Variants in VPS13D observed in about 807,000 individuals in gnomAD.
VPS13D encodes the protein intermembrane lipid transfer protein VPS13D.
Under a neutral mutation model 461.9 loss-of-function variants are expected in VPS13D, and 187 were observed. The observed-to-expected ratio is 0.40, with a 90% CI of 0.36 to 0.46. The LOEUF (loss-of-function observed/expected upper bound fraction) is 0.46, where lower values mean the gene tolerates loss of function less well. Among genes scored for constraint, VPS13D ranks in the 20% least tolerant of loss-of-function variants. The pLI, the probability that VPS13D is intolerant of heterozygous loss-of-function variation, is 0.60. For missense variants in VPS13D, 4,711 were observed against 5,364.9 expected (o/e 0.88, Z 3.81); for synonymous variants, 1,951 against 1,986.3 (o/e 0.98, Z 0.47).
chr1:12,371,565 G>A (rs1006743933), intron 54 of VPS13D, among the ~76,000 whole-genome samples: 1 of 151,650 alleles, frequency 6.6e-6, no homozygotes, highest in Non-Finnish European at 1.5e-5. Context: ...TGATTTTTTT[G>A]TATTTTTAGT....
chr1:12,334,145 A>T (rs1244924159), intron 38 of VPS13D, among the ~76,000 whole-genome samples: 2 of 152,218 alleles, frequency 1.3e-5, no homozygotes, highest in African/African-American at 2.4e-5. Context: ...CGCATGTCAG[A>T]GTTGGATGGA....
At chr1:12,475,305 A>C (rs981357032) in intron 67 of VPS13D, among the ~76,000 whole-genome samples, 2 of 152,102 alleles carry the variant, frequency 1.3e-5, no homozygotes, top group African/African-American at 4.8e-5. Context: ...ATTCTCCCCC[A>C]TACAAAGGGG....
chr1:12,463,611 G>A (rs1645440772), intron 67 of VPS13D, among the ~76,000 whole-genome samples: 1 of 152,002 alleles, frequency 6.6e-6, no homozygotes, highest in Admixed American at 6.5e-5. Context: ...ACCTGGATAT[G>A]GTGGCGGGTG....
intron 57 of VPS13D, 101 bp from the exon 58 acceptor site, chr1:12,382,875 A>T (rs2101649925): frequency 1.8e-6 from 2 of 1,092,850 alleles, no homozygotes; most frequent in East Asian, 4.8e-5. Context: ...GACCCTCCAG[A>T]GGAGAATGTA....
intron 65 of VPS13D, among the ~76,000 whole-genome samples, chr1:12,428,534 C>G (rs1644953971): frequency 6.6e-6 from 1 of 152,138 alleles, no homozygotes; most frequent in South Asian, 2.1e-4. Flanking sequence ...CGCCATTTGT[C>G]CAGTCATGCT....
chr1:12,322,186 C>G (rs565137638), intron 33 of VPS13D, among the ~76,000 whole-genome samples: 1 of 152,208 alleles, frequency 6.6e-6, no homozygotes, highest in African/African-American at 2.4e-5. Context: ...CTGCCTCAGC[C>G]TCCTGAGTAG....
At position 12,349,255 on chromosome 1, in the gene VPS13D, A is replaced by G. The variant is rs1354811058; in HGVS notation, c.9312A>G (p.Gly3104=). The G allele has an allele frequency of 1.2e-6, 2 of 1,613,814 alleles. No individual in the cohort carries two copies. ...GGCGGCTACAGGCCCGGCCCAAAGG[A>G]TTGGGTGTATTTTTCTGTAAGGCTC... The part of the protein sequence containing the change: ...TSWRLQARPK[G]LGVFFCKAPI... The change falls in exon 46 of 70, where the codon GGA becomes GGG. Residue 3104 remains glycine (G), a synonymous_variant. Transcript: ENST00000620676.
At chr1:12,301,328 A>G (rs1642419688) in intron 25 of VPS13D, among the ~76,000 whole-genome samples, 1 of 152,206 alleles carries the variant, frequency 6.6e-6, no homozygotes, top group South Asian at 2.1e-4. Flanking sequence ...TCACAAGTAC[A>G]GGTCTCCTGT....
intron 67 of VPS13D, among the ~76,000 whole-genome samples, chr1:12,460,908 CA>C (rs1240307193): frequency 6.6e-6 from 1 of 152,072 alleles, no homozygotes; most frequent in Non-Finnish European, 1.5e-5. Flanking sequence ...TTGAAAGTAT[CA>C]GCCCCAACCC....
chr1:12,283,451 C>T lies in VPS13D; in HGVS notation c.5349C>T (p.Ser1783=). The T allele has an allele frequency of 6.2e-7, 1 of 1,614,198 alleles. No individual in the cohort carries two copies. Among genetic ancestry groups the T allele is most frequent in the Non-Finnish European group, 8.5e-7 (1 of 1,180,030 alleles). ...TTGGAAAGAGTAAATTTGATGATTC[C>T]TTAGTCCACATCAACATATTCTTGG... ...ILVGKSKFDD[S]LVHINIFLVD... The change falls in exon 21 of 70, where the codon TCC becomes TCT. Residue 1783 remains serine (S), a synonymous_variant. Coordinates refer to ENST00000620676, the MANE Select transcript of VPS13D (RefSeq NM_015378.4).
At chr1:12,256,164 A>T in intron 7 of VPS13D, 169 bp from the exon 8 acceptor site, 1 of 681,618 alleles carries the variant, frequency 1.5e-6, no homozygotes, top group Non-Finnish European at 2.3e-6. Context: ...TCCTGTCCCT[A>T]TATAAAAAGA....
intron 68 of VPS13D, chr1:12,500,382 T>C: frequency 3.4e-6 from 1 of 295,256 alleles, no homozygotes; most frequent in South Asian, 1.3e-4. Flanking sequence ...TCCTATATGG[T>C]GAAATTAATT....
intron 27 of VPS13D, among the ~76,000 whole-genome samples, chr1:12,310,361 T>A (rs2101492988): frequency 1.3e-5 from 2 of 152,334 alleles, no homozygotes; most frequent in Admixed American, 1.3e-4. Flanking sequence ...TTTTCTTATA[T>A]ACCTCTGCCA....
chr1:12,467,146 G>A (rs1227693587), intron 67 of VPS13D, among the ~76,000 whole-genome samples: 1 of 152,060 alleles, frequency 6.6e-6, no homozygotes, highest in African/African-American at 2.4e-5. Flanking sequence ...CTGAAATTAA[G>A]CTGATGAAAT....
At chr1:12,311,379 G>A (rs576186157) in intron 27 of VPS13D, 75 bp from the exon 28 acceptor site, 57 of 1,420,512 alleles carry the variant, frequency 4.0e-5, no homozygotes, top group Middle Eastern at 5.1e-4. Flanking sequence ...TTTTAGCCCC[G>A]TTGTTTGGGC....
At chr1:12,431,201 T>C (rs976553278) in intron 65 of VPS13D, among the ~76,000 whole-genome samples, 1 of 152,212 alleles carries the variant, frequency 6.6e-6, no homozygotes, top group Non-Finnish European at 1.5e-5. Context: ...TCCTAAGAGA[T>C]GTGTCAACAC....
chr1:12,395,517 C>T (rs1170559368), intron 60 of VPS13D, among the ~76,000 whole-genome samples: 1 of 152,180 alleles, frequency 6.6e-6, no homozygotes, highest in Non-Finnish European at 1.5e-5. Context: ...TCTTTCTCTG[C>T]AGGAGATAAG....
chr1:12,477,971 G>C (rs1014665807), intron 67 of VPS13D, among the ~76,000 whole-genome samples: 1 of 152,188 alleles, frequency 6.6e-6, no homozygotes, highest in Non-Finnish European at 1.5e-5. Context: ...GAGTTCAAGT[G>C]GGGGTGCACT....
intron 63 of VPS13D, among the ~76,000 whole-genome samples, chr1:12,414,437 C>T (rs920105433): frequency 4.6e-5 from 7 of 152,240 alleles, no homozygotes; most frequent in African/African-American, 7.2e-5. Flanking sequence ...TGGCAATGGA[C>T]GTTAACAAAC....
Sources: gnomAD v4.1 joint callset for allele counts (sites outside exome capture counted in the v4.1 genomes callset) on GRCh38, gnomAD v4.1.1 for gene constraint, MANE v1.5 for transcripts, NCBI Gene and HGNC (gene_info 2026-07-23, HGNC 2026-07-21) for gene names.